The following ZFP64 variants were observed in gnomAD, a reference collection of about 807,000 sequenced individuals.
ZFP64 encodes ZFP64 zinc finger protein, also known as zinc finger protein 64.
In ZFP64, 14 loss-of-function variants were observed where a neutral mutation model predicts 51.6. The observed-to-expected ratio is 0.27, with a 90% CI of 0.18 to 0.42. ZFP64 has a LOEUF of 0.42. ZFP64 is among the 10% of genes least tolerant of loss of function. The probability of loss-of-function intolerance (pLI) is 1.00; values close to 1 mark genes in which losing one functional copy is unlikely to be tolerated. For missense variants in ZFP64, 754 were observed against 906.8 expected (o/e 0.83, Z 2.16); for synonymous variants, 375 against 361.4 (o/e 1.04, Z -0.43).
intron 5 of ZFP64, among the ~76,000 whole-genome samples, chr20:52,145,231 C>T (rs1980466023): frequency 6.6e-6 from 1 of 152,232 alleles, no homozygotes; most frequent in Non-Finnish European, 1.5e-5. Context: ...GGGATCCATT[C>T]TGAGAAATAG....
intron 5 of ZFP64, among the ~76,000 whole-genome samples, chr20:52,157,824 C>T (rs1295440969): frequency 6.6e-6 from 1 of 152,112 alleles, no homozygotes; most frequent in Admixed American, 6.5e-5. Flanking sequence ...CCCCTAGCCT[C>T]CCACCCCTTG....
chr20:52,098,663 G>C (rs371578561), intron 5 of ZFP64: 3 of 1,583,582 alleles, frequency 1.9e-6, no homozygotes, highest in Non-Finnish European at 1.7e-6. Context: ...AGTAGGTTTG[G>C]GCTTATTTCA....
At position 52,170,912 on chromosome 20, in the gene ZFP64, G is replaced by A. The variant is rs148522267; in HGVS notation, c.287-4887C>T. ...ATATATAGTGTGCAAATCAAGTGGT[G>A]TAAATATTACAGAGAAAAATAAAGC... On this transcript the variant is annotated intron_variant, in intron 2 of 5. Transcript: ENST00000216923. Among the ~76,000 whole-genome samples, 47 of 152,276 alleles carry A rather than the reference G, an allele frequency of 3.1e-4. No homozygotes were observed. The East Asian group carries it at 7.7e-3, about 25-fold the overall frequency.
intron 5 of ZFP64, among the ~76,000 whole-genome samples, chr20:52,128,025 T>G (rs1979528917): frequency 6.6e-6 from 1 of 152,210 alleles, no homozygotes; most frequent in Admixed American, 6.5e-5. Flanking sequence ...GTGGTTTGGA[T>G]TGAGGTGTGT....
intron 5 of ZFP64, among the ~76,000 whole-genome samples, chr20:52,121,094 C>T (rs990749405): frequency 6.6e-6 from 1 of 152,184 alleles, no homozygotes; most frequent in Admixed American, 6.5e-5. Context: ...GCTCCACTGA[C>T]CAGCCAGTCC....
intron 2 of ZFP64, among the ~76,000 whole-genome samples, chr20:52,179,706 T>C (rs1263794307): frequency 1.3e-5 from 2 of 152,182 alleles, no homozygotes; most frequent in Admixed American, 1.3e-4. Context: ...GACACCCCTG[T>C]CACTGAATAA....
In ZFP64 at chr20:52,186,937, C is replaced by G. The variant is rs745874925; in HGVS notation, c.181G>C (p.Ala61Pro). The stretch of plus-strand genomic sequence containing the variant: ...AACTGGACCGTGCTGGGGGCTGCTG[C>G]GGATGTGCCTGTCAGCTGGCAGCCA... ...QSGCQLTGTS[A>P]AAPSTVQFVS... The change falls in exon 2 of 6, where the codon GCA becomes CCA. Residue 61 changes from alanine to proline, a missense_variant. By Grantham distance (27) the Ala-to-Pro change is conservative. Coordinates refer to ENST00000216923, the MANE Select transcript of ZFP64 (RefSeq NM_018197.3). 10 of 1,614,084 alleles carry G rather than the reference C, an allele frequency of 6.2e-6. No individual in the cohort carries two copies. Among genetic ancestry groups the G allele is most frequent in the Non-Finnish European group, 1.7e-6 (2 of 1,179,982 alleles).
At position 52,160,776 on chromosome 20, in the gene ZFP64, A is replaced by G. The variant is rs1475525864; in HGVS notation, c.512-402T>C. 1.3e-5 allele frequency among the ~76,000 whole-genome samples: 2 copies of G among 152,220 alleles called. No individual in the cohort carries two copies. The highest frequency in any genetic ancestry group is 4.8e-5 in the African/African-American group (2 of 41,466). On this transcript the variant is annotated intron_variant, in intron 4 of 5. Transcript: ENST00000216923. The surrounding 1 kb of genome is among the most constrained non-coding windows in gnomAD (Gnocchi z 4.2). ...GAATACCTAAGTTTCAGCAGAGTTC[A>G]TGGCTCACCAGGGAAAGATTACACT... is the stretch of plus-strand genomic sequence containing the variant.
intron 5 of ZFP64, among the ~76,000 whole-genome samples, chr20:52,116,755 T>A (rs1322130415): frequency 6.6e-6 from 1 of 152,180 alleles, no homozygotes; most frequent in East Asian, 1.9e-4. Flanking sequence ...ACATAATTTG[T>A]ATAACATCAT....
chr20:52,089,128 A>G (rs2078895656), intron 7 of ZFP64: 1 of 469,412 alleles, frequency 2.1e-6, no homozygotes, highest in East Asian at 5.9e-5. Flanking sequence ...ACAGCAGAAG[A>G]CCACATACCC....
At chr20:52,140,895 G>A (rs909038276) in intron 5 of ZFP64, among the ~76,000 whole-genome samples, 4 of 152,178 alleles carry the variant, frequency 2.6e-5, no homozygotes, top group Non-Finnish European at 5.9e-5. Context: ...TTTCTTGTTA[G>A]GGGCTAATGT....
At chr20:52,110,970 C>A in intron 5 of ZFP64, 1 of 1,512,788 alleles carries the variant, frequency 6.6e-7, no homozygotes, top group Admixed American at 1.7e-5. Flanking sequence ...CCAAGACGAA[C>A]CTGCTTTTGG....
intron 7 of ZFP64, among the ~76,000 whole-genome samples, chr20:52,090,555 C>CT (rs1329656306): frequency 1.3e-5 from 2 of 152,062 alleles, no homozygotes; most frequent in African/African-American, 4.8e-5. Context: ...AATCCCAGCA[C>CT]TTTGGGGGGC....
Position 52,152,873 on chromosome 20 carries a change from A to T in ZFP64, c.1319T>A (p.Leu440His). 1 of 1,614,068 alleles carries T rather than the reference A, an allele frequency of 6.2e-7. No homozygotes were observed. Among genetic ancestry groups the T allele is most frequent in the Non-Finnish European group, 8.5e-7 (1 of 1,180,028 alleles). Residue 440 changes from leucine to histidine, a missense_variant, in exon 6 of 6, where the codon CTC (leucine) becomes CAC (histidine). This residue lies in a region of ZFP64 where 428 missense variants were observed against 472.4 expected (regional missense o/e 0.91). Coordinates refer to ENST00000216923, the MANE Select transcript of ZFP64 (RefSeq NM_018197.3). Reference protein sequence around the residue: ...CDASFMREDSLRSHKRQHSEY... With the variant: ...CDASFMREDSHRSHKRQHSEY... ...ACTGTGCTGTCTCTTGTGGCTGCGG[A>T]GCGAGTCCTCCCGCATGAAGGAGGC...
chr20:52,120,125 C>G (rs1056788120), intron 5 of ZFP64, among the ~76,000 whole-genome samples: 3 of 152,094 alleles, frequency 2.0e-5, no homozygotes, highest in Admixed American at 6.6e-5. Context: ...CATGTGTGGA[C>G]ACAGCTAGAA....
At chr20:52,125,318 G>T (rs2122864165) in intron 5 of ZFP64, among the ~76,000 whole-genome samples, 1 of 152,302 alleles carries the variant, frequency 6.6e-6, no homozygotes, top group African/African-American at 2.4e-5. Context: ...GGGAGGAGTG[G>T]AGAGCCAGGC....
chr20:52,152,199 G>A lies in ZFP64; in HGVS notation c.1993C>T (p.Gln665Ter). Residue 665 changes from glutamine (Q) to a stop codon, truncating the protein, a stop_gained, in exon 6 of 6, where the codon CAA (glutamine) becomes TAA (stop). Coordinates refer to ENST00000216923, the MANE Select transcript of ZFP64 (RefSeq NM_018197.3). LOFTEE classifies it high-confidence loss of function. ...AGCAAAGCTGGATGGGCTGCCCCTT[G>A]AATGATGGAGTAGGTCTGCTTGGGT... ...ELPKQTYSII[Q>*]GAAHPALLCP... The A allele has an allele frequency of 6.2e-7, 1 of 1,614,202 alleles. No individual in the cohort carries two copies.
At chr20:52,128,457 A>G (rs529277696) in intron 5 of ZFP64, among the ~76,000 whole-genome samples, 9 of 152,342 alleles carry the variant, frequency 5.9e-5, no homozygotes, top group African/African-American at 1.9e-4. Flanking sequence ...AGCCTACCAT[A>G]GCAACTAACC....
At chr20:52,112,156 T>C (rs1429406612) in intron 5 of ZFP64, among the ~76,000 whole-genome samples, 1 of 151,560 alleles carries the variant, frequency 6.6e-6, no homozygotes, top group African/African-American at 2.4e-5. Context: ...ACCTGTGTGA[T>C]CTCAAGAAAA....
Sources: allele counts gnomAD v4.1 joint callset (sites outside exome capture counted in the v4.1 genomes callset), GRCh38; gene constraint gnomAD v4.1.1; regional missense constraint gnomAD v4.1.1; non-coding constraint Gnocchi (gnomAD v3.1); transcripts MANE v1.5; gene names NCBI Gene and HGNC (gene_info 2026-07-23, HGNC 2026-07-21).